The following KIAA0319L variants were observed in gnomAD, a reference collection of about 807,000 sequenced individuals.
KIAA0319L encodes dyslexia-associated protein KIAA0319-like protein.
KIAA0319L carries 55 observed loss-of-function variants against 120.1 expected under a neutral mutation model. That is an observed-to-expected ratio of 0.46 (90% CI 0.37 to 0.57). The LOEUF is 0.57. Among genes scored for constraint, KIAA0319L ranks in the 20% least tolerant of loss-of-function variants. KIAA0319L has a pLI of 0.00. For missense variants in KIAA0319L, 1,049 were observed against 1,255.3 expected, an observed-to-expected ratio of 0.84 and a Z score of 2.48; for synonymous variants, 398 against 471.9, an observed-to-expected ratio of 0.84 and a Z score of 2.03.
chr1:35,538,149 G>A (rs1279769159), intron 2 of KIAA0319L, among the ~76,000 whole-genome samples: 1 of 152,024 alleles, frequency 6.6e-6, no homozygotes, highest in African/African-American at 2.4e-5. Flanking sequence ...CCTCCATAGT[G>A]TGACCTCTCT....
intron 3 of KIAA0319L, among the ~76,000 whole-genome samples, chr1:35,505,293 T>C (rs1250333471): frequency 5.3e-5 from 8 of 152,170 alleles, no homozygotes; most frequent in Admixed American, 4.6e-4. Context: ...AAATACACAA[T>C]GACTATGACC....
At chr1:35,489,466 TC>T (rs1006780090) in intron 3 of KIAA0319L, among the ~76,000 whole-genome samples, 4 of 151,778 alleles carry the variant, frequency 2.6e-5, no homozygotes, top group Non-Finnish European at 5.9e-5. Context: ...GAAGAAGAAA[TC>T]CAAGCACAGA....
chr1:35,548,768 T>C (rs1032538415), intron 2 of KIAA0319L, among the ~76,000 whole-genome samples: 1 of 152,112 alleles, frequency 6.6e-6, no homozygotes, highest in Non-Finnish European at 1.5e-5. Flanking sequence ...CACCTACCTC[T>C]TCTGGAGCTG....
Position 35,454,535 on chromosome 1 carries a change from A to G in KIAA0319L, c.1657-50T>C, listed in dbSNP as rs1376960239. ...AAAAGTGGACTCCAGGAATCACATC[A>G]CACAATAATTCCGACTCTGGTAAAA... On this transcript the variant is annotated intron_variant, in intron 10 of 20. Transcript: ENST00000325722. 3 of 1,605,778 alleles carry G rather than the reference A, an allele frequency of 1.9e-6. No homozygotes were observed. The Admixed American group carries it at 5.0e-5, about 27-fold the overall frequency.
chr1:35,486,290 G>A (rs1006624316), intron 3 of KIAA0319L, among the ~76,000 whole-genome samples: 4 of 151,366 alleles, frequency 2.6e-5, no homozygotes, highest in Admixed American at 1.3e-4. Flanking sequence ...AGGCTGAGGT[G>A]GGAGGATGGC....
At chr1:35,555,187 T>G (rs572150306) in intron 1 of KIAA0319L, among the ~76,000 whole-genome samples, 17 of 152,250 alleles carry the variant, frequency 1.1e-4, no homozygotes, top group Admixed American at 9.8e-4. Context: ...AAAAACTCAT[T>G]TACCATAAAT....
At chr1:35,484,778 A>C (rs1644300410) in intron 3 of KIAA0319L, among the ~76,000 whole-genome samples, 1 of 36,200 alleles carries the variant, frequency 2.8e-5, no homozygotes. Flanking sequence ...ATATATATAT[A>C]TATATATATA....
intron 2 of KIAA0319L, among the ~76,000 whole-genome samples, chr1:35,507,796 T>C (rs1347517643): frequency 6.6e-6 from 1 of 152,218 alleles, no homozygotes; most frequent in Non-Finnish European, 1.5e-5. Context: ...GCAATTCTGC[T>C]AGAAAGAACT....
intron 1 of KIAA0319L, 120 bp downstream of exon 1, chr1:35,557,087 G>A (rs1648206143): frequency 6.5e-6 from 1 of 154,640 alleles, no homozygotes; most frequent in African/African-American, 2.4e-5. Flanking sequence ...GGCCGAGCCA[G>A]GGGCGCCACC....
rs538075751 is a variant in KIAA0319L, at chr1:35,469,695, T to C, written c.1113+1168A>G. ...TCATTGACCCTCTGCACTGACCTAG[T>C]GTGCCACCTGTTATAATTACCTGCT... On this transcript the variant is annotated intron_variant, in intron 6 of 20. Transcript: ENST00000325722. Among the ~76,000 whole-genome samples the C allele has an allele frequency of 5.3e-5, 8 of 152,018 alleles. No homozygotes were observed. In the East Asian group the frequency reaches 1.4e-3, roughly 26 times the overall value.
chr1:35,488,309 G>A (rs1349650940), intron 3 of KIAA0319L, among the ~76,000 whole-genome samples: 1 of 152,048 alleles, frequency 6.6e-6, no homozygotes, highest in Non-Finnish European at 1.5e-5. Context: ...CTCCTCCTGT[G>A]GGATGGATTT....
intron 3 of KIAA0319L, among the ~76,000 whole-genome samples, chr1:35,491,757 G>A (rs1160614093): frequency 6.6e-6 from 1 of 152,126 alleles, no homozygotes; most frequent in East Asian, 1.9e-4. Flanking sequence ...GACAGCAAGA[G>A]CCAGAGCCAG....
rs1441507454 is a variant in KIAA0319L, at chr1:35,479,011, G to A, written c.868C>T (p.Pro290Ser). ...CTCTGGAAAGAGGCCTGGGGGGTAG[G>A]GGTAGCATAACTGTAGGAGGGAGCC... ...PVAPSYSYAT[P>S]TPQASFQSTS... The change falls in exon 4 of 21, where the codon CCT (proline) becomes TCT (serine). Residue 290 changes from proline (P) to serine (S), a missense_variant. By Grantham distance (74) the Pro-to-Ser change is moderately conservative. Transcript: ENST00000325722. The A allele has an allele frequency of 1.2e-6, 2 of 1,614,130 alleles. No individual in the cohort carries two copies. Among genetic ancestry groups the A allele is most frequent in the Admixed American group, 1.7e-5 (1 of 60,032 alleles).
At chr1:35,438,700 T>C (rs1640979902) in intron 20 of KIAA0319L, 1 of 151,704 alleles carries the variant, frequency 6.6e-6, no homozygotes, top group Admixed American at 6.6e-5. Context: ...CTTTTTAAAA[T>C]ATAAACCAAG....
At chr1:35,493,065 A>G (rs1339360656) in intron 3 of KIAA0319L, among the ~76,000 whole-genome samples, 2 of 152,240 alleles carry the variant, frequency 1.3e-5, no homozygotes, top group South Asian at 2.1e-4. Flanking sequence ...AGAAAAAGAA[A>G]TAAGAGGCAT....
chr1:35,551,523 T>C (rs958683286), intron 2 of KIAA0319L, among the ~76,000 whole-genome samples: 2 of 152,176 alleles, frequency 1.3e-5, no homozygotes, highest in East Asian at 3.9e-4. Flanking sequence ...TTCACTATGT[T>C]GGTCAGGGTG....
In KIAA0319L at chr1:35,454,448, T is replaced by C. The variant is rs1372636545; in HGVS notation, c.1694A>G (p.Gln565Arg). ...RTPTLQLSAM[Q>R]EGDYTYQLTV... is the part of the protein sequence containing the mutation. Reference sequence around the variant, plus strand: ...GAGCTGGTAAGTGTAGTCTCCTTCTTGCATCGCAGAGAGCTGTAAGGTTGG... The same window carrying C: ...GAGCTGGTAAGTGTAGTCTCCTTCTCGCATCGCAGAGAGCTGTAAGGTTGG... The change falls in exon 11 of 21, where the codon CAA (glutamine) becomes CGA (arginine). Residue 565 changes from glutamine (Q) to arginine (R), a missense_variant. Gln to Arg is a conservative substitution (Grantham distance 43, BLOSUM62 1). Transcript: ENST00000325722. 3 of 1,614,090 alleles carry C rather than the reference T, an allele frequency of 1.9e-6. No homozygotes were observed. Among genetic ancestry groups the C allele is most frequent in the Admixed American group, 3.3e-5 (2 of 60,018 alleles).
chr1:35,481,086 G>A (rs1436346129), intron 3 of KIAA0319L, among the ~76,000 whole-genome samples: 3 of 152,062 alleles, frequency 2.0e-5, no homozygotes, highest in Admixed American at 6.5e-5. Context: ...CACTCAACAC[G>A]TTTTTGAAAT....
intron 5 of KIAA0319L, 107 bp downstream of exon 5, chr1:35,474,698 G>A (rs1053273681): frequency 4.7e-6 from 3 of 644,530 alleles, no homozygotes; most frequent in African/African-American, 1.9e-5. Flanking sequence ...GACTAAGGTG[G>A]GAGGATCTCC....
Sources: allele counts gnomAD v4.1 joint callset (sites outside exome capture counted in the v4.1 genomes callset), GRCh38; gene constraint gnomAD v4.1.1; transcripts MANE v1.5; gene names NCBI Gene and HGNC (gene_info 2026-07-23, HGNC 2026-07-21).